RTF2: variants seen among roughly 807,000 people sequenced by gnomAD.
RTF2 encodes UPF0549 protein C20orf43.
A neutral mutation model predicts 38.0 loss-of-function variants in RTF2; 18 were observed. The observed-to-expected ratio is 0.47, with a 90% CI of 0.33 to 0.70. The LOEUF (loss-of-function observed/expected upper bound fraction) is 0.70, where lower values mean the gene tolerates loss of function less well. RTF2 is among the 30% of genes least tolerant of loss of function. RTF2 has a pLI of 0.02. For synonymous variants in RTF2, 126 were observed against 137.1 expected, an observed-to-expected ratio of 0.92 and a Z score of 0.57; for missense variants, 311 against 379.6, an observed-to-expected ratio of 0.82 and a Z score of 1.50.
Position 56,487,753 on chromosome 20 carries a change from G to A in RTF2, c.477+3564G>A, listed in dbSNP as rs138795268. Among the ~76,000 whole-genome samples, 7 of 152,346 alleles carry A rather than the reference G, an allele frequency of 4.6e-5. No homozygotes were observed. In the East Asian group the frequency reaches 1.3e-3, roughly 29 times the overall value. The stretch of plus-strand genomic sequence containing the variant: ...GGAGACTAACGTCCAAAATCAAGGT[G>A]TCATCAGGGTTAGTTTCTTCTGAGG... On this transcript the variant is annotated intron_variant, in intron 5 of 8. Coordinates refer to ENST00000357348, the MANE Select transcript of RTF2 (RefSeq NM_016407.5).
intron 1 of RTF2, among the ~76,000 whole-genome samples, 157 bp downstream of exon 1, chr20:56,468,923 G>A (rs1981820630): frequency 6.6e-6 from 1 of 152,232 alleles, no homozygotes; most frequent in South Asian, 2.1e-4. Context: ...ACAGTATTAA[G>A]AGTGGACATT....
chr20:56,490,817 CAAAT>C lies in RTF2; in HGVS notation c.477+6644_477+6647del, dbSNP rs572145217. ...GGGCAACAAGAGTAAAACTCCGTCT[CAAAT>C]AAATAAATAAATAAAGGTAACTTAA... On this transcript the variant is annotated intron_variant, in intron 5 of 8. Transcript: ENST00000357348. 2.9e-3 allele frequency among the ~76,000 whole-genome samples: 441 copies of C among 152,120 alleles called. 3 individuals carry two copies. The highest frequency in any genetic ancestry group is 5.5e-3 in the Non-Finnish European group (374 of 67,966).
chr20:56,481,094 A>G (rs1229635722), intron 4 of RTF2, among the ~76,000 whole-genome samples: 4 of 152,220 alleles, frequency 2.6e-5, no homozygotes, highest in Non-Finnish European at 2.9e-5. Context: ...AGGTATGCCT[A>G]TATCCTTAAT....
In RTF2 at chr20:56,473,406, TAC is replaced by T; in HGVS notation, c.164+14_164+15del. On this transcript the variant is annotated intron_variant, in intron 2 of 8. Transcript: ENST00000357348. ...CTGTGAACTTGGCAGGTATGGTTTT[TAC>T]ACTTAATCAAGATGAGTTTGTTAAG... 1 of 1,571,424 alleles carries T rather than the reference TAC, an allele frequency of 6.4e-7. No homozygotes were observed. Among genetic ancestry groups the T allele is most frequent in the Non-Finnish European group, 8.7e-7 (1 of 1,144,410 alleles).
At chr20:56,501,038 T>C (rs903429113) in intron 5 of RTF2, among the ~76,000 whole-genome samples, 5 of 152,132 alleles carry the variant, frequency 3.3e-5, no homozygotes, top group African/African-American at 1.2e-4. Flanking sequence ...GATCACAGAG[T>C]AATGTTTCAA....
chr20:56,480,866 A>G (rs1982495084), intron 4 of RTF2, among the ~76,000 whole-genome samples: 1 of 152,190 alleles, frequency 6.6e-6, no homozygotes, highest in Non-Finnish European at 1.5e-5. Context: ...CCCCAAAACA[A>G]TTACAAAAGT....
intron 5 of RTF2, among the ~76,000 whole-genome samples, chr20:56,507,227 C>G (rs903542503): frequency 4.6e-5 from 7 of 152,072 alleles, no homozygotes; most frequent in Non-Finnish European, 1.0e-4. Context: ...TGTGACTTTG[C>G]GGCAGCCCCA....
rs146753488 is a variant in RTF2, at chr20:56,497,557, A to G, written c.477+13368A>G. On this transcript the variant is annotated intron_variant, in intron 5 of 8. Transcript: ENST00000357348. ...CTTAAGTAAAGAAAAATGAAGATGC[A>G]AATGACTGCCCTCACGACAAGTCCA... 498 of 1,380,576 alleles carry G rather than the reference A, an allele frequency of 3.6e-4. 1 individual carries two copies. In the African/African-American group the frequency reaches 6.5e-3, roughly 18 times the overall value. 85.5% of individuals were successfully genotyped at this position (1,380,576 alleles called of 1,614,324 possible).
Position 56,518,091 on chromosome 20 carries a change from G to T in RTF2, c.747G>T (p.Met249Ile). Residue 249 changes from methionine to isoleucine, a missense_variant, in exon 9 of 9, where the codon ATG (methionine) becomes ATT (isoleucine). Met to Ile is a conservative substitution (Grantham distance 10). Coordinates refer to ENST00000357348, the MANE Select transcript of RTF2 (RefSeq NM_016407.5). ...TTTGGCTCTTCATTTTTCTAGCAAT[G>T]AATGAGAGCTCTTCTGGAAAAGCTG... is the stretch of plus-strand genomic sequence containing the variant. ...KTNLAPKSTA[M>I]NESSSGKAGK... 6.2e-7 allele frequency: 1 copy of T among 1,606,946 alleles called. No individual in the cohort carries two copies. Among genetic ancestry groups the T allele is most frequent in the Non-Finnish European group, 8.5e-7 (1 of 1,177,858 alleles).
At chr20:56,503,618 A>T (rs1189769467) in intron 5 of RTF2, among the ~76,000 whole-genome samples, 1 of 152,214 alleles carries the variant, frequency 6.6e-6, no homozygotes, top group East Asian at 1.9e-4. Context: ...TATTACTCAT[A>T]TTCTAATATT....
At chr20:56,476,937 T>C in intron 3 of RTF2, 48 bp from the exon 4 acceptor site, 1 of 1,596,620 alleles carries the variant, frequency 6.3e-7, no homozygotes, top group Non-Finnish European at 8.6e-7. Flanking sequence ...AGGCAAAGGA[T>C]GATCTGTTTA....
At chr20:56,476,919 C>T (rs1410121692) in intron 3 of RTF2, 66 bp from the exon 4 acceptor site, 18 of 1,514,556 alleles carry the variant, frequency 1.2e-5, no homozygotes, top group East Asian at 9.4e-5. Flanking sequence ...TGTTGACTTA[C>T]GTGGTTAAGG....
chr20:56,484,194 G>A lies in RTF2; in HGVS notation c.477+5G>A. On this transcript the variant is annotated splice_donor_5th_base_variant and intron_variant, in intron 5 of 8. Transcript: ENST00000357348. The stretch of plus-strand genomic sequence containing the variant: ...AAAGCGGAAGTTTGCCACACGGTGA[G>A]TTCCTGACATGTACCATTTGTTCCT... 2.5e-6 allele frequency: 4 copies of A among 1,609,924 alleles called. No individual in the cohort carries two copies. Among genetic ancestry groups the A allele is most frequent in the Non-Finnish European group, 3.4e-6 (4 of 1,176,158 alleles).
At chr20:56,509,998 A>G (rs1174901984) in intron 5 of RTF2, among the ~76,000 whole-genome samples, 6 of 152,176 alleles carry the variant, frequency 3.9e-5, no homozygotes, top group Admixed American at 3.9e-4. Flanking sequence ...CAAAAAAAAA[A>G]AACATGTATA....
chr20:56,508,169 A>G (rs1421073047), intron 5 of RTF2, among the ~76,000 whole-genome samples: 2 of 152,200 alleles, frequency 1.3e-5, no homozygotes, highest in Non-Finnish European at 2.9e-5. Flanking sequence ...TAACCTGAAA[A>G]TCACTGTTGG....
At chr20:56,476,026 C>G (rs1018998716) in intron 3 of RTF2, among the ~76,000 whole-genome samples, 6 of 152,202 alleles carry the variant, frequency 3.9e-5, no homozygotes, top group African/African-American at 1.2e-4. Flanking sequence ...AAGACACTCA[C>G]CTGCTCTCTA....
chr20:56,475,837 A>C (rs992721805), intron 3 of RTF2, among the ~76,000 whole-genome samples: 3 of 152,212 alleles, frequency 2.0e-5, no homozygotes, highest in African/African-American at 7.2e-5. Context: ...TATTTAATGG[A>C]AAAAAACTCC....
At chr20:56,505,582 C>T (rs971065060) in intron 5 of RTF2, among the ~76,000 whole-genome samples, 5 of 151,596 alleles carry the variant, frequency 3.3e-5, no homozygotes, top group Non-Finnish European at 7.4e-5. Flanking sequence ...TCCTGGGGGT[C>T]GAGGGTTGGT....
intron 4 of RTF2, among the ~76,000 whole-genome samples, 166 bp downstream of exon 4, chr20:56,477,290 C>T (rs926613151): frequency 5.9e-5 from 9 of 152,110 alleles, no homozygotes; most frequent in Admixed American, 5.9e-4. Flanking sequence ...CGTTCATTTC[C>T]GTCAGCCATT....
Sources: gnomAD v4.1 joint callset for allele counts (sites outside exome capture counted in the v4.1 genomes callset) on GRCh38, gnomAD v4.1.1 for gene constraint, MANE v1.5 for transcripts, NCBI Gene and HGNC (gene_info 2026-07-23, HGNC 2026-07-21) for gene names.